PHLDB2: variants seen among roughly 807,000 people sequenced by gnomAD.
PHLDB2 encodes the protein pleckstrin homology like domain family B member 2.
Under a neutral mutation model 123.6 loss-of-function variants are expected in PHLDB2, and 71 were observed. The ratio of observed to expected loss-of-function variants is 0.57; its 90% CI spans 0.47 to 0.70. PHLDB2 has a LOEUF of 0.70. Ranked by LOEUF, PHLDB2 falls within the 30% of genes least tolerant of loss-of-function variation. The pLI, the probability that PHLDB2 is intolerant of heterozygous loss-of-function variation, is 0.00. For missense variants in PHLDB2, 1,446 were observed against 1,519.5 expected (o/e 0.95, Z 0.80); for synonymous variants, 547 against 541.6 (o/e 1.01, Z -0.14).
At chr3:111,887,392 A>G (rs993216161) in intron 2 of PHLDB2, among the ~76,000 whole-genome samples, 2 of 152,198 alleles carry the variant, frequency 1.3e-5, no homozygotes, top group Non-Finnish European at 2.9e-5. Flanking sequence ...TGCATGGTCT[A>G]TTTGTTTGAC....
At chr3:111,970,006 T>A in intron 16 of PHLDB2, 97 bp downstream of exon 16, 1 of 1,101,496 alleles carries the variant, frequency 9.1e-7, no homozygotes, top group Non-Finnish European at 1.4e-6. Flanking sequence ...GGTAGGTTGA[T>A]ACATAACAGA....
At chr3:111,966,426 TC>T (rs1201984531) in intron 13 of PHLDB2, among the ~76,000 whole-genome samples, 186 bp from the exon 14 acceptor site, 1 of 152,176 alleles carries the variant, frequency 6.6e-6, no homozygotes, top group Non-Finnish European at 1.5e-5. Flanking sequence ...ATTTGCCTCT[TC>T]GGTCCAATGA....
intron 1 of PHLDB2, among the ~76,000 whole-genome samples, chr3:111,796,479 C>A (rs58651217): frequency 0.089 from 13,572 of 152,150 alleles, 1,283 homozygotes; most frequent in African/African-American, 0.24. Context: ...CTCTGAATCC[C>A]CATTTGTTCG....
chr3:111,962,898 C>T (rs1281833884), intron 13 of PHLDB2, among the ~76,000 whole-genome samples: 7 of 142,334 alleles, frequency 4.9e-5, no homozygotes, highest in South Asian at 4.4e-4. Context: ...CATTGCACTC[C>T]GGCCTGGGCA....
chr3:111,876,227 G>A (rs1012707891), intron 1 of PHLDB2, among the ~76,000 whole-genome samples: 3 of 152,136 alleles, frequency 2.0e-5, no homozygotes, highest in Admixed American at 6.5e-5. Context: ...GAGGAAGGGG[G>A]TGCTAGTGAC....
At chr3:111,837,874 C>A (rs1218528458) in intron 1 of PHLDB2, among the ~76,000 whole-genome samples, 2 of 152,008 alleles carry the variant, frequency 1.3e-5, no homozygotes, top group Non-Finnish European at 2.9e-5. Context: ...AAAATCTCTT[C>A]TCTACTACAA....
chr3:111,771,542 C>A (rs1410344861), intron 1 of PHLDB2, among the ~76,000 whole-genome samples: 1 of 151,962 alleles, frequency 6.6e-6, no homozygotes, highest in Non-Finnish European at 1.5e-5. Flanking sequence ...GGTTTCACCA[C>A]GTGGGCCAGA....
At chr3:111,871,587 G>A (rs2065343933) in intron 1 of PHLDB2, among the ~76,000 whole-genome samples, 1 of 152,200 alleles carries the variant, frequency 6.6e-6, no homozygotes, top group East Asian at 1.9e-4. Flanking sequence ...CCGGGAGGCG[G>A]AGGTTGCAGT....
At chr3:111,734,278 G>A (rs1443353842) in intron 1 of PHLDB2, among the ~76,000 whole-genome samples, 1 of 152,166 alleles carries the variant, frequency 6.6e-6, no homozygotes, top group African/African-American at 2.4e-5. Flanking sequence ...GGATCTTGGG[G>A]TGATCAAATG....
chr3:111,950,029 T>A, intron 10 of PHLDB2: 1 of 453,026 alleles, frequency 2.2e-6, no homozygotes, highest in Non-Finnish European at 2.9e-6. Context: ...TTTTTCCTCT[T>A]AAGAACATTT....
rs763452216 is a variant in PHLDB2, at chr3:111,884,665, G to A, written c.588G>A (p.Ser196=). The part of the protein sequence containing the change: ...SDAGPPPISR[S]GAASMPSSPK... ...CTGGCCCGCCTCCTATCAGCAGATC[G>A]GGAGCCGCAAGCATGCCTTCAAGCC... is the stretch of plus-strand genomic sequence containing the variant. The change falls in exon 2 of 18, where the codon TCG becomes TCA. Residue 196 remains serine, a synonymous_variant. Coordinates refer to ENST00000431670, the MANE Select transcript of PHLDB2 (RefSeq NM_001134438.2). The A allele has an allele frequency of 1.6e-5, 26 of 1,613,936 alleles. No individual in the cohort carries two copies. In the East Asian group the frequency reaches 2.0e-4, roughly 12 times the overall value.
At chr3:111,883,984 T>G in intron 1 of PHLDB2, 80 bp from the exon 2 acceptor site, 1 of 1,336,304 alleles carries the variant, frequency 7.5e-7, no homozygotes, top group Non-Finnish European at 1.0e-6. Context: ...CAAGATTGTT[T>G]GTTCAGATGT....
chr3:111,763,688 G>A (rs1489053043), intron 1 of PHLDB2, among the ~76,000 whole-genome samples: 1 of 152,128 alleles, frequency 6.6e-6, no homozygotes, highest in Non-Finnish European at 1.5e-5. Flanking sequence ...TGTAGTATTA[G>A]GAGGTGATTC....
At chr3:111,907,952 A>G (rs1370051699) in intron 2 of PHLDB2, among the ~76,000 whole-genome samples, 1 of 152,094 alleles carries the variant, frequency 6.6e-6, no homozygotes, top group African/African-American at 2.4e-5. Flanking sequence ...ATGAGCCACC[A>G]CGCCCAGGTA....
chr3:111,955,654 T>C (rs1192260404), intron 12 of PHLDB2, among the ~76,000 whole-genome samples: 1 of 152,136 alleles, frequency 6.6e-6, no homozygotes, highest in Non-Finnish European at 1.5e-5. Context: ...GTTTTTGTCA[T>C]GTTTCCCAGG....
In PHLDB2 at chr3:111,884,898, C is replaced by T. The variant is rs772863443; in HGVS notation, c.821C>T (p.Pro274Leu). 4 of 1,614,098 alleles carry T rather than the reference C, an allele frequency of 2.5e-6. No individual in the cohort carries two copies. Among genetic ancestry groups the T allele is most frequent in the Non-Finnish European group, 3.4e-6 (4 of 1,180,008 alleles). Residue 274 changes from proline to leucine, a missense_variant, in exon 2 of 18, where the codon CCA becomes CTA. Coordinates refer to ENST00000431670, the MANE Select transcript of PHLDB2 (RefSeq NM_001134438.2). ...CAGCTGACACCTCTCAGCTTGCCTC[C>T]AAGAAACTCTCTGGGCAATTCCAAA... ...ENQLTPLSLP[P>L]RNSLGNSKRT...
intron 1 of PHLDB2, among the ~76,000 whole-genome samples, chr3:111,818,915 A>C (rs2062228627): frequency 6.6e-6 from 1 of 152,014 alleles, no homozygotes. Context: ...TTTCATGTCC[A>C]CCTGTCCTAG....
Position 111,974,418 on chromosome 3 carries a change from T to G in PHLDB2, c.3622-5T>G, listed in dbSNP as rs2072436463. 1.3e-6 allele frequency: 2 copies of G among 1,585,212 alleles called. No individual in the cohort carries two copies. Among genetic ancestry groups the G allele is most frequent in the Non-Finnish European group, 1.7e-6 (2 of 1,165,758 alleles). On this transcript the variant is annotated splice_polypyrimidine_tract_variant and splice_region_variant and intron_variant, in intron 17 of 17. Transcript: ENST00000431670. Reference sequence around the variant, plus strand: ...TTACATTCTTTTTCCTTTTTTGAATTTTAGAGTCCTAATCCGTTACTCACC... The same window carrying G: ...TTACATTCTTTTTCCTTTTTTGAATGTTAGAGTCCTAATCCGTTACTCACC...
chr3:111,771,355 T>A (rs1012902599), intron 1 of PHLDB2, among the ~76,000 whole-genome samples: 5 of 151,826 alleles, frequency 3.3e-5, no homozygotes, highest in African/African-American at 1.2e-4. Context: ...CTTCATCTTT[T>A]TTTTTTTTCT....
Sources: allele counts gnomAD v4.1 joint callset (sites outside exome capture counted in the v4.1 genomes callset), GRCh38; gene constraint gnomAD v4.1.1; transcripts MANE v1.5; gene names NCBI Gene and HGNC (gene_info 2026-07-23, HGNC 2026-07-21).